GMEB1: variants seen among roughly 807,000 people sequenced by gnomAD.
GMEB1 encodes glucocorticoid modulatory element-binding protein 1.
Under a neutral mutation model 52.4 loss-of-function variants are expected in GMEB1, and 6 were observed. The ratio of observed to expected loss-of-function variants is 0.11; its 90% CI spans 0.06 to 0.23. GMEB1 has a LOEUF of 0.23. Among genes scored for constraint, GMEB1 ranks in the 10% least tolerant of loss-of-function variants. The pLI is 1.00. For synonymous variants in GMEB1, 255 were observed against 244.9 expected (o/e 1.04, Z -0.38); for missense variants, 486 against 685.6 (o/e 0.71, Z 3.25).
intron 1 of GMEB1, among the ~76,000 whole-genome samples, chr1:28,675,926 G>A (rs1320290302): frequency 6.6e-6 from 1 of 152,136 alleles, no homozygotes; most frequent in African/African-American, 2.4e-5. Context: ...TTAGGGTAAT[G>A]AGTGATACTT....
Position 28,718,912 on chromosome 1 carries a change from G to C in GMEB1, c.*4139G>C, listed in dbSNP as rs1671337675. ...AAGGCATATACCTAAGCTGATTTAGGAGAGACCACTTTTGGCTAGGTTTAT... is the reference window on the plus strand; with the variant it reads ...AAGGCATATACCTAAGCTGATTTAGCAGAGACCACTTTTGGCTAGGTTTAT... On this transcript the variant is annotated 3_prime_UTR_variant, in exon 10 of 10. Coordinates refer to ENST00000373816, the MANE Select transcript of GMEB1 (RefSeq NM_001319674.2). The C allele has an allele frequency of 1.3e-5, 2 of 152,158 alleles. No homozygotes were observed. The highest frequency in any genetic ancestry group is 4.8e-5 in the African/African-American group (2 of 41,424). The allele number at this position is 152,158 out of a possible 1,614,324, so 9.4% of individuals were successfully genotyped here.
rs201596426 is a variant in GMEB1, at chr1:28,691,694, C to T, written c.321C>T (p.Asn107=). 46 of 1,550,068 alleles carry T rather than the reference C, an allele frequency of 3.0e-5. No individual in the cohort carries two copies. The highest frequency in any genetic ancestry group is 2.3e-4 in the South Asian group (19 of 81,602). The change falls in exon 4 of 10, where the codon AAC becomes AAT. Residue 107 remains asparagine (N), a synonymous_variant. Coordinates refer to ENST00000373816, the MANE Select transcript of GMEB1 (RefSeq NM_001319674.2). ...AGAAGTTTGTATGTCCAGGAATAAA[C>T]GTGAAGTGTGTCAAGGTAATTGTCT... ...LWKKFVCPGI[N]VKCVKFNDQL...
chr1:28,700,658 C>A (rs533271875), intron 6 of GMEB1, among the ~76,000 whole-genome samples: 3 of 150,572 alleles, frequency 2.0e-5, no homozygotes, highest in East Asian at 3.9e-4. Context: ...GTACTTCAGC[C>A]TGGGCAACAA....
At chr1:28,704,479 C>T (rs1030051818) in intron 8 of GMEB1, 150 bp downstream of exon 8, 16 of 557,060 alleles carry the variant, frequency 2.9e-5, no homozygotes, top group African/African-American at 2.7e-4. Flanking sequence ...AGTTAAGTCA[C>T]TTGTCTAAGG....
intron 5 of GMEB1, among the ~76,000 whole-genome samples, chr1:28,694,036 G>T (rs1670085520): frequency 6.6e-6 from 1 of 151,884 alleles, no homozygotes; most frequent in South Asian, 2.1e-4. Context: ...TATTTCTGAA[G>T]AGATTTTACA....
At chr1:28,701,151 T>C (rs1456140633) in intron 6 of GMEB1, among the ~76,000 whole-genome samples, 1 of 152,154 alleles carries the variant, frequency 6.6e-6, no homozygotes, top group African/African-American at 2.4e-5. Context: ...TAAAAGTCTT[T>C]TACTTGATTA....
At position 28,718,076 on chromosome 1, in the gene GMEB1, G is replaced by A. The variant is rs974042549; in HGVS notation, c.*3303G>A. ...TAGGTTCCCTTACAGCCCTGGTCTA[G>A]ATGATCCTAGATGGGGTGAGACATA... On this transcript the variant is annotated 3_prime_UTR_variant, in exon 10 of 10. Coordinates refer to ENST00000373816, the MANE Select transcript of GMEB1 (RefSeq NM_001319674.2). 2 of 152,214 alleles carry A rather than the reference G, an allele frequency of 1.3e-5. No individual in the cohort carries two copies. The highest frequency in any genetic ancestry group is 2.4e-5 in the African/African-American group (1 of 41,470). The allele number at this position is 152,214 out of a possible 1,614,324, so 9.4% of individuals were successfully genotyped here. A position where few individuals can be genotyped will look rare whatever the true frequency, so the allele number is the denominator to read the frequency against.
chr1:28,713,656 A>G lies in GMEB1; in HGVS notation c.992-417A>G, dbSNP rs572376286. On this transcript the variant is annotated intron_variant, in intron 9 of 9. Coordinates refer to ENST00000373816, the MANE Select transcript of GMEB1 (RefSeq NM_001319674.2). ...CACCAGCAAAGGAGTTTTCCAGCCA[A>G]TGCAGCAAGGCATTCTTGCCTTGAA... Among the ~76,000 whole-genome samples the G allele has an allele frequency of 3.3e-5, 5 of 152,324 alleles. No individual in the cohort carries two copies. The South Asian group carries it at 1.0e-3, about 32-fold the overall frequency.
At chr1:28,672,671 C>T (rs1175094404) in intron 1 of GMEB1, among the ~76,000 whole-genome samples, 1 of 151,086 alleles carries the variant, frequency 6.6e-6, no homozygotes, top group Non-Finnish European at 1.5e-5. Flanking sequence ...ATTAACTCGT[C>T]ATTTATATTA....
chr1:28,677,182 TA>T lies in GMEB1; in HGVS notation c.-30-6390del, dbSNP rs967827461. 1.3e-3 allele frequency among the ~76,000 whole-genome samples: 190 copies of T among 147,764 alleles called. 1 individual carries two copies. In the East Asian group the frequency reaches 0.015, roughly 12 times the overall value. ...TCACATTATGTAAATATGCCAAAAT[TA>T]AAAAAAAAAATCTGAAATTTGAGGC... On this transcript the variant is annotated intron_variant, in intron 1 of 9. Transcript: ENST00000373816.
intron 1 of GMEB1, among the ~76,000 whole-genome samples, chr1:28,682,067 G>A (rs145604115): frequency 7.6e-4 from 116 of 152,132 alleles, no homozygotes; most frequent in African/African-American, 2.2e-3. Flanking sequence ...GGGCACAGTC[G>A]TAGTCATCTT....
intron 8 of GMEB1, among the ~76,000 whole-genome samples, chr1:28,710,285 A>G (rs1393188086): frequency 2.6e-5 from 4 of 152,208 alleles, no homozygotes; most frequent in Non-Finnish European, 5.9e-5. Flanking sequence ...GATTACAGGC[A>G]TGTGCCACCA....
intron 8 of GMEB1, 72 bp from the exon 9 acceptor site, chr1:28,710,448 A>G (rs1670996032): frequency 2.4e-6 from 3 of 1,226,854 alleles, no homozygotes; most frequent in Admixed American, 5.6e-5. Flanking sequence ...TTTCATATTT[A>G]TAAACAGCAC....
At chr1:28,699,581 A>G (rs1349501823) in intron 6 of GMEB1, among the ~76,000 whole-genome samples, 1 of 151,926 alleles carries the variant, frequency 6.6e-6, no homozygotes, top group Non-Finnish European at 1.5e-5. Flanking sequence ...GGTGCCCGCC[A>G]CCAAGCCTAG....
chr1:28,690,062 T>C, intron 2 of GMEB1, 42 bp from the exon 3 acceptor site: 1 of 1,403,516 alleles, frequency 7.1e-7, no homozygotes, highest in Non-Finnish European at 9.9e-7. Flanking sequence ...AATTTTTTCA[T>C]GATTTATGTA....
chr1:28,704,007 C>T (rs1000519712), intron 7 of GMEB1, among the ~76,000 whole-genome samples, 185 bp from the exon 8 acceptor site: 9 of 151,416 alleles, frequency 5.9e-5, no homozygotes, highest in African/African-American at 1.9e-4. Context: ...GCTGAAGGGG[C>T]GACATAATTG....
At chr1:28,709,105 G>T (rs78136929) in intron 8 of GMEB1, among the ~76,000 whole-genome samples, 419 of 147,774 alleles carry the variant, frequency 2.8e-3, no homozygotes, top group Non-Finnish European at 5.2e-3. Context: ...CTGCACTCCA[G>T]CCTGGGCGAC....
intron 6 of GMEB1, among the ~76,000 whole-genome samples, chr1:28,698,339 C>T (rs1670325904): frequency 1.3e-5 from 2 of 150,470 alleles, no homozygotes; most frequent in South Asian, 4.2e-4. Flanking sequence ...GATCATTCCA[C>T]TGCACTCTAA....
At chr1:28,677,821 T>C (rs1306836308) in intron 1 of GMEB1, among the ~76,000 whole-genome samples, 1 of 152,134 alleles carries the variant, frequency 6.6e-6, no homozygotes, top group Non-Finnish European at 1.5e-5. Context: ...AACCAGTTCA[T>C]TGATTTTTAT....
Sources: allele counts gnomAD v4.1 joint callset (sites outside exome capture counted in the v4.1 genomes callset), GRCh38; gene constraint gnomAD v4.1.1; transcripts MANE v1.5; gene names NCBI Gene and HGNC (gene_info 2026-07-23, HGNC 2026-07-21).